Variants in CALHM1 observed in about 807,000 individuals in gnomAD.
CALHM1 encodes the protein calcium homeostasis modulator 1, also known as calcium homeostasis modulator protein 1.
In CALHM1, 11 loss-of-function variants were observed where a neutral mutation model predicts 14.8. The ratio of observed to expected loss-of-function variants is 0.74; its 90% CI spans 0.47 to 1.23. The LOEUF (loss-of-function observed/expected upper bound fraction) is 1.23, where lower values mean the gene tolerates loss of function less well. Ranked by LOEUF, CALHM1 falls within the 50% of genes most tolerant of loss-of-function variation. The probability of loss-of-function intolerance (pLI) is 0.00; values close to 1 mark genes in which losing one functional copy is unlikely to be tolerated. For synonymous variants in CALHM1, 215 were observed against 218.9 expected (o/e 0.98, Z 0.16); for missense variants, 458 against 496.4 (o/e 0.92, Z 0.74).
chr10:103,455,008 C>T lies in CALHM1; in HGVS notation c.*254G>A, dbSNP rs1254936995. On this transcript the variant is annotated 3_prime_UTR_variant, in exon 2 of 2. Transcript: ENST00000329905. ...GTCCCTGTACCTGCCATGACAGTTC[C>T]GACCCCTTTAGACTAATACTGCTCA... 7.2e-6 allele frequency: 4 copies of T among 555,866 alleles called. No individual in the cohort carries two copies. Among genetic ancestry groups the T allele is most frequent in the Non-Finnish European group, 1.3e-5 (4 of 319,774 alleles). 34.4% of individuals were successfully genotyped at this position (555,866 alleles called of 1,614,324 possible).
rs771326929 is a variant in CALHM1 at position 103,455,299 on chromosome 10, G to A, written c.1004C>T (p.Pro335Leu). The A allele has an allele frequency of 5.0e-6, 8 of 1,612,446 alleles. No individual in the cohort carries two copies. Among genetic ancestry groups the A allele is most frequent in the South Asian group, 1.1e-5 (1 of 90,868 alleles). The change falls in exon 2 of 2, where the codon CCG (proline) becomes CTG (leucine). Residue 335 changes from proline to leucine, a missense_variant. Pro to Leu is a moderately conservative substitution (Grantham distance 98). Transcript: ENST00000329905. Reference protein sequence around the residue: ...NGWAGGGPRPPRKEVATYFSK... With the variant: ...NGWAGGGPRPLRKEVATYFSK... ...GAAGTAGGTGGCCACCTCCTTACGCGGAGGCCGGGGCCCACCCCCAGCCCA... is the reference window on the plus strand; with the variant it reads ...GAAGTAGGTGGCCACCTCCTTACGCAGAGGCCGGGGCCCACCCCCAGCCCA...
rs140645690 is a variant in CALHM1, at chr10:103,458,238, C to G, written c.514G>C (p.Ala172Pro). 177 of 1,613,024 alleles carry G rather than the reference C, an allele frequency of 1.1e-4. 1 individual carries two copies. In the African/African-American group the frequency reaches 1.9e-3, roughly 18 times the overall value. The stretch of plus-strand genomic sequence containing the variant: ...AGGTAACGCACGGCCACCTCTCGGG[C>G]CAACAGCCAGTCGCCATCGTAGATC... The part of the protein sequence containing the change: ...PEIYDGDWLL[A>P]REVAVRYLRC... Residue 172 changes from alanine to proline, a missense_variant, in exon 1 of 2, where the codon GCC (alanine) becomes CCC (proline). Transcript: ENST00000329905. The surrounding 1 kb of genome is among the most constrained non-coding windows in gnomAD (Gnocchi z 4.9).
In CALHM1 at chr10:103,455,546, C is replaced by T; in HGVS notation, c.757G>A (p.Ala253Thr). ...CCCAGCTCCAGGTCATGGTTCATGG[C>T]CTCGAAGAACTGCTGGATGCAGACC... ...AKVCIQQFFEAMNHDLELGHT... is the reference protein window; with the variant it reads ...AKVCIQQFFETMNHDLELGHT... The change falls in exon 2 of 2, where the codon GCC becomes ACC. Residue 253 changes from alanine (A) to threonine (T), a missense_variant. By Grantham distance (58) the Ala-to-Thr change is moderately conservative. Coordinates refer to ENST00000329905, the MANE Select transcript of CALHM1 (RefSeq NM_001001412.4). 1.2e-6 allele frequency: 2 copies of T among 1,613,958 alleles called. No individual in the cohort carries two copies. The highest frequency in any genetic ancestry group is 1.7e-6 in the Non-Finnish European group (2 of 1,180,004).
intron 1 of CALHM1, among the ~76,000 whole-genome samples, chr10:103,457,853 C>T (rs1254522947): frequency 2.0e-5 from 3 of 152,262 alleles, no homozygotes; most frequent in East Asian, 1.9e-4. Flanking sequence ...CCACTGGCCT[C>T]ACCACTGCCG....
rs1188335514 is a variant in CALHM1 at position 103,454,962 on chromosome 10, C to G, written c.*300G>C. On this transcript the variant is annotated 3_prime_UTR_variant, in exon 2 of 2. Coordinates refer to ENST00000329905, the MANE Select transcript of CALHM1 (RefSeq NM_001001412.4). ...ACAGTGAACATCAGCCTGGGAAGGG[C>G]TGGGCAGAGGGGAGCCATTGGTCCC... 1.9e-5 allele frequency: 8 copies of G among 427,020 alleles called. No homozygotes were observed. The highest frequency in any genetic ancestry group is 5.9e-4 in the Middle Eastern group (1 of 1,706). The allele number at this position is 427,020 out of a possible 1,614,324, so 26.5% of individuals were successfully genotyped here.
chr10:103,456,614 G>T (rs1028062830), intron 1 of CALHM1, among the ~76,000 whole-genome samples: 3 of 152,206 alleles, frequency 2.0e-5, no homozygotes, highest in African/African-American at 7.2e-5. Context: ...ATGCCTATGG[G>T]GCCAGGCAGG....
rs201445645 is a variant in CALHM1, at chr10:103,458,478, C to A, written c.274G>T (p.Asp92Tyr). The A allele has an allele frequency of 1.2e-5, 20 of 1,613,284 alleles. No homozygotes were observed. Among genetic ancestry groups the A allele is most frequent in the Non-Finnish European group, 1.7e-5 (20 of 1,179,962 alleles). The change falls in exon 1 of 2, where the codon GAC becomes TAC. Residue 92 changes from aspartate (D) to tyrosine (Y), a missense_variant. Transcript: ENST00000329905. The surrounding 1 kb of genome is among the most constrained non-coding windows in gnomAD (Gnocchi z 4.9). Reference protein sequence around the residue: ...WKRPLGRRAKDPAVLRYMFCS... With the variant: ...WKRPLGRRAKYPAVLRYMFCS... ...AACATGTAGCGCAACACAGCGGGGT[C>A]CTTGGCCCGGCGGCCCAGCGGCCGC...
At chr10:103,457,561 C>G (rs2033165009) in intron 1 of CALHM1, among the ~76,000 whole-genome samples, 1 of 152,214 alleles carries the variant, frequency 6.6e-6, no homozygotes, top group Non-Finnish European at 1.5e-5. Context: ...CTGGGTGGTC[C>G]TCCCCACACG....
intron 1 of CALHM1, among the ~76,000 whole-genome samples, chr10:103,456,778 T>C (rs984176972): frequency 3.3e-5 from 5 of 152,298 alleles, no homozygotes; most frequent in African/African-American, 1.2e-4. Context: ...ATTCCGATTT[T>C]TATTTTAATC....
rs150770390 is a variant in CALHM1 at position 103,455,483 on chromosome 10, C to T, written c.820G>A (p.Ala274Thr). ...HGTLATAPAS[A>T]AAPTTPDGAE... ...CCATCGGGGGTCGTGGGGGCAGCTG[C>T]GGAAGCAGGGGCCGTGGCCAGTGTC... The change falls in exon 2 of 2, where the codon GCA becomes ACA. Residue 274 changes from alanine (A) to threonine (T), a missense_variant. Ala to Thr is a moderately conservative substitution (Grantham distance 58). Coordinates refer to ENST00000329905, the MANE Select transcript of CALHM1 (RefSeq NM_001001412.4). The T allele has an allele frequency of 6.7e-5, 108 of 1,613,286 alleles. No homozygotes were observed. The highest frequency in any genetic ancestry group is 8.3e-5 in the Non-Finnish European group (98 of 1,179,810).
In CALHM1 at chr10:103,457,222, A is replaced by G. The variant is rs1359807488; in HGVS notation, c.555+975T>C. Among the ~76,000 whole-genome samples, 8 of 152,212 alleles carry G rather than the reference A, an allele frequency of 5.3e-5. No homozygotes were observed. In the South Asian group the frequency reaches 1.7e-3, roughly 32 times the overall value. On this transcript the variant is annotated intron_variant, in intron 1 of 1. Coordinates refer to ENST00000329905, the MANE Select transcript of CALHM1 (RefSeq NM_001001412.4). Reference sequence around the variant, plus strand: ...GCCTCTGGGGCCCTCTCAGCTTATGATGTGGTGGCTTAAAGGTCAGGTGGA... The same window carrying G: ...GCCTCTGGGGCCCTCTCAGCTTATGGTGTGGTGGCTTAAAGGTCAGGTGGA...
Position 103,453,411 on chromosome 10 carries a change from C to CTTT in CALHM1, c.*1850_*1851insAAA, listed in dbSNP as rs1256347745. 1 of 108,662 alleles carries CTTT rather than the reference C, an allele frequency of 9.2e-6. No homozygotes were observed. Among genetic ancestry groups the CTTT allele is most frequent in the African/African-American group, 3.1e-5 (1 of 32,236 alleles). 6.7% of individuals were successfully genotyped at this position (108,662 alleles called of 1,614,324 possible). On this transcript the variant is annotated 3_prime_UTR_variant, in exon 2 of 2. Transcript: ENST00000329905. Reference sequence around the variant, plus strand: ...AAAAATTATAAATCTTCTCTTTATTCTTCTTCTTCTTCTTATTATTATTAT... The same window carrying CTTT: ...AAAAATTATAAATCTTCTCTTTATTCTTTTTCTTCTTCTTCTTATTATTATTAT...
At position 103,456,272 on chromosome 10, in the gene CALHM1, C is replaced by T. The variant is rs572163401; in HGVS notation, c.556-525G>A. On this transcript the variant is annotated intron_variant, in intron 1 of 1. Transcript: ENST00000329905. Reference sequence around the variant, plus strand: ...CACTTACTTACTGTGCCTCTTCTTTCAGGAAGCCTTCCTTGATCTCCCCAG... The same window carrying T: ...CACTTACTTACTGTGCCTCTTCTTTTAGGAAGCCTTCCTTGATCTCCCCAG... Among the ~76,000 whole-genome samples, 25 of 152,330 alleles carry T rather than the reference C, an allele frequency of 1.6e-4. No individual in the cohort carries two copies. In the South Asian group the frequency reaches 5.2e-3, roughly 32 times the overall value.
In CALHM1 at chr10:103,455,619, G is replaced by A; in HGVS notation, c.684C>T (p.Arg228=). 1 of 1,613,914 alleles carries A rather than the reference G, an allele frequency of 6.2e-7. No homozygotes were observed. The highest frequency in any genetic ancestry group is 8.5e-7 in the Non-Finnish European group (1 of 1,180,030). ...KYWSHYIDIE[R]KLFDETCTEH... is the part of the protein sequence containing the mutation. Reference sequence around the variant, plus strand: ...CCGTGCACGTCTCGTCGAAGAGCTTGCGCTCGATGTCGATATAGTGGGACC... The same window carrying A: ...CCGTGCACGTCTCGTCGAAGAGCTTACGCTCGATGTCGATATAGTGGGACC... The change falls in exon 2 of 2, where the codon CGC becomes CGT. Residue 228 remains arginine (R), a synonymous_variant. Transcript: ENST00000329905.
At chr10:103,455,859 G>C (rs2033144315) in intron 1 of CALHM1, 112 bp from the exon 2 acceptor site, 1 of 1,355,104 alleles carries the variant, frequency 7.4e-7, no homozygotes, top group Non-Finnish European at 9.8e-7. Flanking sequence ...GCACAAATTG[G>C]GCAAGTGAGC....
Position 103,455,687 on chromosome 10 carries a change from G to A in CALHM1, c.616C>T (p.Arg206Trp), listed in dbSNP as rs375270464. The change falls in exon 2 of 2, where the codon CGG (arginine) becomes TGG (tryptophan). Residue 206 changes from arginine to tryptophan, a missense_variant. Coordinates refer to ENST00000329905, the MANE Select transcript of CALHM1 (RefSeq NM_001001412.4). ...TLLAFVVRSV[R>W]PCFTQAAFLK... is the part of the protein sequence containing the mutation. Reference sequence around the variant, plus strand: ...AAGGCGGCCTGCGTGAAGCAGGGCCGCACAGAGCGCACCACGAATGCCAGC... The same window carrying A: ...AAGGCGGCCTGCGTGAAGCAGGGCCACACAGAGCGCACCACGAATGCCAGC... The A allele has an allele frequency of 1.4e-5, 23 of 1,613,212 alleles. No individual in the cohort carries two copies. The highest frequency in any genetic ancestry group is 1.8e-5 in the Non-Finnish European group (21 of 1,180,036).
At position 103,458,174 on chromosome 10, in the gene CALHM1, C is replaced by T. The variant is rs552903488; in HGVS notation, c.555+23G>A. 1.2e-5 allele frequency: 19 copies of T among 1,610,436 alleles called. No individual in the cohort carries two copies. The highest frequency in any genetic ancestry group is 3.3e-4 in the Middle Eastern group (2 of 6,056). On this transcript the variant is annotated intron_variant, in intron 1 of 1. Transcript: ENST00000329905. This position sits in a 1 kb window ranked among gnomAD's most constrained non-coding sequence, Gnocchi z 4.9. ...ACCTTGATCTGCCAGGGAGACCCAG[C>T]GTGAAGCCATGCGGCCCCTCACCTG...
chr10:103,458,607 T>C lies in CALHM1; in HGVS notation c.145A>G (p.Asn49Asp), dbSNP rs372748470. The change falls in exon 1 of 2, where the codon AAT (asparagine) becomes GAT (aspartate). Residue 49 changes from asparagine to aspartate, a missense_variant. Coordinates refer to ENST00000329905, the MANE Select transcript of CALHM1 (RefSeq NM_001001412.4). The surrounding 1 kb of genome is among the most constrained non-coding windows in gnomAD (Gnocchi z 4.9). ...DFNCPCLPGYNAAYSAGILLA... is the reference protein window; with the variant it reads ...DFNCPCLPGYDAAYSAGILLA... Reference sequence around the variant, plus strand: ...AGGATGCCCGCGCTGTAGGCTGCATTGTAGCCCGGCAGGCAGGGGCAGTTG... The same window carrying C: ...AGGATGCCCGCGCTGTAGGCTGCATCGTAGCCCGGCAGGCAGGGGCAGTTG... 1 of 1,613,824 alleles carries C rather than the reference T, an allele frequency of 6.2e-7. No homozygotes were observed. Among genetic ancestry groups the C allele is most frequent in the African/African-American group, 1.3e-5 (1 of 74,932 alleles).
At chr10:103,456,226 A>G (rs2033148928) in intron 1 of CALHM1, among the ~76,000 whole-genome samples, 1 of 152,194 alleles carries the variant, frequency 6.6e-6, no homozygotes, top group Non-Finnish European at 1.5e-5. Context: ...ATTAACCATT[A>G]CTGTTGTGCC....
Sources: allele counts gnomAD v4.1 joint callset (sites outside exome capture counted in the v4.1 genomes callset), GRCh38; gene constraint gnomAD v4.1.1; non-coding constraint Gnocchi (gnomAD v3.1); transcripts MANE v1.5; gene names NCBI Gene and HGNC (gene_info 2026-07-23, HGNC 2026-07-21).